The following CRYL1 variants were observed in gnomAD, a reference collection of about 807,000 sequenced individuals.
CRYL1 encodes the protein crystallin lambda 1.
Under a neutral mutation model 36.6 loss-of-function variants are expected in CRYL1, and 29 were observed. The ratio of observed to expected loss-of-function variants is 0.79; its 90% CI spans 0.59 to 1.08. The LOEUF (loss-of-function observed/expected upper bound fraction) is 1.08. Among genes scored for constraint, CRYL1 ranks in the 50% least tolerant of loss-of-function variants. CRYL1 has a pLI of 0.00. For synonymous variants in CRYL1, 152 were observed against 151.5 expected (o/e 1.00, Z -0.02); for missense variants, 411 against 407.9 (o/e 1.01, Z -0.06).
chr13:20,522,077 T>C (rs922861997), intron 1 of CRYL1, among the ~76,000 whole-genome samples: 13 of 152,132 alleles, frequency 8.5e-5, no homozygotes, highest in Admixed American at 6.5e-5. Context: ...AGGCCAGGTG[T>C]AGTGGCTCAC....
intron 3 of CRYL1, among the ~76,000 whole-genome samples, chr13:20,445,878 T>G (rs1163935729): frequency 6.6e-6 from 1 of 152,252 alleles, no homozygotes; most frequent in Admixed American, 6.5e-5. Context: ...GGTTTAACAA[T>G]GGACAGATGT....
chr13:20,522,371 A>C (rs1401498538), intron 1 of CRYL1, among the ~76,000 whole-genome samples: 1 of 151,390 alleles, frequency 6.6e-6, no homozygotes, highest in East Asian at 1.9e-4. Context: ...AAGTACAATC[A>C]CCCCAAACAA....
chr13:20,405,550 A>G (rs942683348), intron 6 of CRYL1, among the ~76,000 whole-genome samples: 1 of 152,230 alleles, frequency 6.6e-6, no homozygotes, highest in Admixed American at 6.5e-5. Context: ...TGTATTGGGT[A>G]CGGTCAAGGC....
rs1447093207 is a variant in CRYL1, at chr13:20,413,322, T to C, written c.699A>G (p.Ala233=). 1 of 1,613,916 alleles carries C rather than the reference T, an allele frequency of 6.2e-7. No individual in the cohort carries two copies. Among genetic ancestry groups the C allele is most frequent in the Non-Finnish European group, 8.5e-7 (1 of 1,179,866 alleles). The part of the protein sequence containing the change: ...VMSEGLGMRY[A]FIGPLETMHL... ...GCATGGTTTCCAGGGGTCCAATGAA[T>C]GCATACCGCATGCCCAACCCTTCTG... Residue 233 remains alanine, a synonymous_variant, in exon 6 of 8, where the codon GCA becomes GCG. Coordinates refer to ENST00000298248, the MANE Select transcript of CRYL1 (RefSeq NM_015974.3).
chr13:20,485,284 G>A (rs1188003052), intron 3 of CRYL1, among the ~76,000 whole-genome samples: 2 of 152,204 alleles, frequency 1.3e-5, no homozygotes, highest in African/African-American at 4.8e-5. Flanking sequence ...CTCCCAAAGT[G>A]CTGGGATTAC....
At chr13:20,448,955 G>A (rs964677798) in intron 3 of CRYL1, among the ~76,000 whole-genome samples, 1 of 151,334 alleles carries the variant, frequency 6.6e-6, no homozygotes, top group Non-Finnish European at 1.5e-5. Flanking sequence ...ATCACCTGAG[G>A]TCAGGGGTTC....
At chr13:20,460,969 G>A (rs753636971) in intron 3 of CRYL1, among the ~76,000 whole-genome samples, 1 of 152,030 alleles carries the variant, frequency 6.6e-6, no homozygotes, top group Non-Finnish European at 1.5e-5. Flanking sequence ...CCTTCCCAGC[G>A]GCGCCCTCCC....
chr13:20,516,180 A>C (rs2033994479), intron 1 of CRYL1, among the ~76,000 whole-genome samples: 1 of 134,812 alleles, frequency 7.4e-6, no homozygotes. Context: ...GAAAGAGCAA[A>C]ACTCCATCTC....
intron 3 of CRYL1, among the ~76,000 whole-genome samples, chr13:20,445,234 C>T (rs1223856046): frequency 6.6e-6 from 1 of 152,152 alleles, no homozygotes; most frequent in African/African-American, 2.4e-5. Flanking sequence ...CACTTGGCAC[C>T]ACTTTTACCT....
intron 5 of CRYL1, among the ~76,000 whole-genome samples, chr13:20,421,966 G>A (rs563541280): frequency 3.9e-5 from 6 of 151,942 alleles, no homozygotes; most frequent in African/African-American, 1.4e-4. Flanking sequence ...GGGTTTTGTT[G>A]CTCACCAATA....
At chr13:20,473,414 T>A (rs2033100620) in intron 3 of CRYL1, among the ~76,000 whole-genome samples, 1 of 152,256 alleles carries the variant, frequency 6.6e-6, no homozygotes, top group African/African-American at 2.4e-5. Flanking sequence ...TTTTTAAAGC[T>A]GCACATGGCC....
intron 1 of CRYL1, among the ~76,000 whole-genome samples, chr13:20,514,010 A>T (rs1374482756): frequency 6.6e-6 from 1 of 152,214 alleles, no homozygotes; most frequent in Non-Finnish European, 1.5e-5. Flanking sequence ...GAGCCACAAA[A>T]TTAATACAGC....
chr13:20,512,576 C>A (rs376577827), intron 1 of CRYL1, 26 bp from the exon 2 acceptor site: 3 of 1,550,588 alleles, frequency 1.9e-6, no homozygotes, highest in Admixed American at 1.8e-5. Flanking sequence ...AGAAAGGATT[C>A]GAGTTAATTT....
At chr13:20,437,788 CA>C (rs2032263514) in intron 4 of CRYL1, among the ~76,000 whole-genome samples, 1 of 152,134 alleles carries the variant, frequency 6.6e-6, no homozygotes. Flanking sequence ...TAAAGAGATG[CA>C]GTAAACGTCT....
At chr13:20,468,886 C>T (rs1593465900) in intron 3 of CRYL1, among the ~76,000 whole-genome samples, 1 of 152,158 alleles carries the variant, frequency 6.6e-6, no homozygotes, top group Non-Finnish European at 1.5e-5. Flanking sequence ...GGATTACAGG[C>T]GTGATCCACC....
chr13:20,455,558 T>C (rs11839480), intron 3 of CRYL1, among the ~76,000 whole-genome samples: 7 of 76,630 alleles, frequency 9.1e-5, no homozygotes, highest in East Asian at 4.0e-4. Context: ...ACTCAAGCTA[T>C]ACCATAATCA....
At chr13:20,442,622 C>T (rs2032372878) in intron 3 of CRYL1, among the ~76,000 whole-genome samples, 1 of 152,148 alleles carries the variant, frequency 6.6e-6, no homozygotes, top group Non-Finnish European at 1.5e-5. Flanking sequence ...AGAGATGCAA[C>T]CCATGCACTC....
chr13:20,462,177 ACCTAGTGGGAGGACG>A (rs2032842552), intron 3 of CRYL1, among the ~76,000 whole-genome samples: 6 of 3,302 alleles, frequency 1.8e-3, no homozygotes, highest in Non-Finnish European at 4.5e-3. Flanking sequence ...TGGCAGGACG[ACCTAGTGGGAGGACG>A]ACCTAGTGGG....
chr13:20,420,707 G>GTGTGTTTTTTT (rs2031785744), intron 5 of CRYL1, among the ~76,000 whole-genome samples: 1 of 29,510 alleles, frequency 3.4e-5, no homozygotes, highest in Non-Finnish European at 7.2e-5. Flanking sequence ...GAGGTTGTGT[G>GTGTGTTTTTTT]TGTGTGTGTG....
Sources: gnomAD v4.1 joint callset for allele counts (sites outside exome capture counted in the v4.1 genomes callset) on GRCh38, gnomAD v4.1.1 for gene constraint, MANE v1.5 for transcripts, NCBI Gene and HGNC (gene_info 2026-07-23, HGNC 2026-07-21) for gene names.